The following SLC9A9 variants were observed in gnomAD, a reference collection of about 807,000 sequenced individuals.
SLC9A9 encodes solute carrier family 9 member A9, also known as sodium/hydrogen exchanger 9.
Under a neutral mutation model 77.8 loss-of-function variants are expected in SLC9A9, and 62 were observed. The observed-to-expected ratio is 0.80, with a 90% CI of 0.65 to 0.98. SLC9A9 has a LOEUF of 0.98. Among genes scored for constraint, SLC9A9 ranks in the 50% least tolerant of loss-of-function variants. The probability of loss-of-function intolerance (pLI) is 0.00; values close to 1 mark genes in which losing one functional copy is unlikely to be tolerated. For synonymous variants in SLC9A9, 320 were observed against 283.5 expected, an observed-to-expected ratio of 1.13 and a Z score of -1.29; for missense variants, 775 against 774.9, an observed-to-expected ratio of 1.00 and a Z score of 0.00.
chr3:143,443,189 T>C (rs2034779163), intron 12 of SLC9A9, among the ~76,000 whole-genome samples: 1 of 152,058 alleles, frequency 6.6e-6, no homozygotes. Context: ...GGCCAGAATA[T>C]TACATTTGAG....
intron 4 of SLC9A9, among the ~76,000 whole-genome samples, chr3:143,710,488 A>T (rs948679846): frequency 6.6e-6 from 1 of 152,126 alleles, no homozygotes; most frequent in Non-Finnish European, 1.5e-5. Context: ...ATGTGCTGCC[A>T]TTTCTCCTCA....
chr3:143,491,744 A>C (rs2035750869), intron 11 of SLC9A9, among the ~76,000 whole-genome samples: 1 of 152,190 alleles, frequency 6.6e-6, no homozygotes, highest in Non-Finnish European at 1.5e-5. Context: ...ATTTTTCTCA[A>C]AGCATTGTTT....
intron 13 of SLC9A9, among the ~76,000 whole-genome samples, chr3:143,379,403 C>T (rs954725155): frequency 2.0e-5 from 3 of 152,222 alleles, no homozygotes; most frequent in Non-Finnish European, 4.4e-5. Flanking sequence ...TGTTACCTCC[C>T]ATCAGAGCCC....
chr3:143,347,445 C>G (rs2032318719), intron 14 of SLC9A9, among the ~76,000 whole-genome samples: 1 of 152,130 alleles, frequency 6.6e-6, no homozygotes, highest in African/African-American at 2.4e-5. Flanking sequence ...GAAATTCTAT[C>G]TTCCCCCAAA....
At chr3:143,415,516 T>C (rs151018401) in intron 12 of SLC9A9, among the ~76,000 whole-genome samples, 1 of 152,298 alleles carries the variant, frequency 6.6e-6, no homozygotes, top group East Asian at 1.9e-4. Context: ...GTTATATAAA[T>C]GGAACAACAA....
At chr3:143,535,178 A>G (rs959870837) in intron 9 of SLC9A9, among the ~76,000 whole-genome samples, 5 of 152,224 alleles carry the variant, frequency 3.3e-5, no homozygotes, top group African/African-American at 1.2e-4. Context: ...ATAACTTAAA[A>G]GCACTGAGAA....
At chr3:143,388,661 A>G (rs1394807476) in intron 12 of SLC9A9, among the ~76,000 whole-genome samples, 2 of 152,232 alleles carry the variant, frequency 1.3e-5, no homozygotes, top group Non-Finnish European at 2.9e-5. Flanking sequence ...TGCACCCTAC[A>G]TTGAGTCATA....
At chr3:143,700,463 G>T (rs1933764615) in intron 4 of SLC9A9, among the ~76,000 whole-genome samples, 1 of 152,160 alleles carries the variant, frequency 6.6e-6, no homozygotes. Context: ...TCCTAGGCCA[G>T]GTAGCATTAA....
chr3:143,380,748 G>C (rs905656333), intron 13 of SLC9A9, among the ~76,000 whole-genome samples: 2 of 152,212 alleles, frequency 1.3e-5, no homozygotes, highest in East Asian at 1.9e-4. Flanking sequence ...AAGTACATGA[G>C]AGCCAGGATC....
At chr3:143,641,489 G>A (rs1277669642) in intron 6 of SLC9A9, among the ~76,000 whole-genome samples, 1 of 146,348 alleles carries the variant, frequency 6.8e-6, no homozygotes, top group Non-Finnish European at 1.5e-5. Flanking sequence ...TGCCTCCCGG[G>A]TTCATGCCAT....
chr3:143,437,191 A>G (rs984842314), intron 12 of SLC9A9, among the ~76,000 whole-genome samples: 9 of 152,268 alleles, frequency 5.9e-5, no homozygotes, highest in African/African-American at 1.2e-4. Flanking sequence ...TTTTGAATGA[A>G]TGAATCACAG....
chr3:143,706,156 T>TA (rs1933968858), intron 4 of SLC9A9, among the ~76,000 whole-genome samples: 1 of 151,606 alleles, frequency 6.6e-6, no homozygotes, highest in African/African-American at 2.4e-5. Context: ...TGTCCTACCG[T>TA]AGGTGGTTTC....
chr3:143,408,272 A>G (rs568235261), intron 12 of SLC9A9, among the ~76,000 whole-genome samples: 2 of 152,254 alleles, frequency 1.3e-5, no homozygotes, highest in South Asian at 4.1e-4. Context: ...TGCATTTCTA[A>G]CAAACTCTTA....
intron 6 of SLC9A9, among the ~76,000 whole-genome samples, chr3:143,628,484 T>C (rs2038368028): frequency 6.6e-6 from 1 of 152,150 alleles, no homozygotes; most frequent in Non-Finnish European, 1.5e-5. Flanking sequence ...GTATGGGTGC[T>C]CTTAGTATGT....
chr3:143,290,664 G>A (rs532944938), intron 14 of SLC9A9, among the ~76,000 whole-genome samples: 1 of 152,332 alleles, frequency 6.6e-6, no homozygotes, highest in South Asian at 2.1e-4. Context: ...TAAAGCAGAA[G>A]AGTGGGTCCC....
chr3:143,831,334 C>T (rs1405180418), intron 2 of SLC9A9, among the ~76,000 whole-genome samples: 1 of 152,168 alleles, frequency 6.6e-6, no homozygotes, highest in Non-Finnish European at 1.5e-5. Context: ...GATAACCTAA[C>T]CTGATTTCTG....
intron 6 of SLC9A9, among the ~76,000 whole-genome samples, chr3:143,634,458 A>T (rs978296107): frequency 6.6e-6 from 1 of 152,106 alleles, no homozygotes; most frequent in East Asian, 1.9e-4. Context: ...AGTGAAGTTC[A>T]TTGTATTTTT....
chr3:143,272,693 C>T (rs765531241), intron 14 of SLC9A9, among the ~76,000 whole-genome samples: 36 of 152,068 alleles, frequency 2.4e-4, no homozygotes, highest in Non-Finnish European at 1.2e-4. Context: ...AAAAACCCAA[C>T]GGCAGATTTT....
intron 4 of SLC9A9, among the ~76,000 whole-genome samples, chr3:143,742,456 G>A (rs958765985): frequency 3.3e-5 from 5 of 152,140 alleles, no homozygotes; most frequent in Admixed American, 1.3e-4. Context: ...CCTCTTGGGT[G>A]GTTACACCAT....
Sources: allele counts gnomAD v4.1 joint callset (sites outside exome capture counted in the v4.1 genomes callset), GRCh38; gene constraint gnomAD v4.1.1; transcripts MANE v1.5; gene names NCBI Gene and HGNC (gene_info 2026-07-23, HGNC 2026-07-21).